Variants in WWC1 observed in about 807,000 individuals in gnomAD.
WWC1 encodes WW and C2 domain containing 1, also known as protein KIBRA.
Under a neutral mutation model 138.4 loss-of-function variants are expected in WWC1, and 55 were observed. That is an observed-to-expected ratio of 0.40 (90% confidence interval 0.32 to 0.50). The LOEUF (loss-of-function observed/expected upper bound fraction) is 0.50. Among genes scored for constraint, WWC1 ranks in the 20% least tolerant of loss-of-function variants. The pLI, the probability that WWC1 is intolerant of heterozygous loss-of-function variation, is 0.72. For synonymous variants in WWC1, 524 were observed against 564.9 expected (o/e 0.93, Z 1.03); for missense variants, 1,226 against 1,420.4 (o/e 0.86, Z 2.20).
At chr5:168,321,916 C>T (rs1453853635) in intron 1 of WWC1, among the ~76,000 whole-genome samples, 1 of 152,170 alleles carries the variant, frequency 6.6e-6, no homozygotes, top group Admixed American at 6.5e-5. Context: ...AATGTCAGCT[C>T]AGGAGGTTTT....
chr5:168,321,764 C>T (rs1383793992), intron 1 of WWC1, among the ~76,000 whole-genome samples: 19 of 152,214 alleles, frequency 1.2e-4, no homozygotes, highest in African/African-American at 4.1e-4. Flanking sequence ...CTCAAACTCC[C>T]GACCTCAGGT....
At chr5:168,367,772 G>A (rs1013710926) in intron 1 of WWC1, among the ~76,000 whole-genome samples, 3 of 152,166 alleles carry the variant, frequency 2.0e-5, no homozygotes, top group Admixed American at 6.5e-5. Context: ...GAAAGGGAAT[G>A]TCACATACAC....
At chr5:168,409,800 C>A in intron 7 of WWC1, 122 bp from the exon 8 acceptor site, 1 of 959,044 alleles carries the variant, frequency 1.0e-6, no homozygotes, top group Non-Finnish European at 1.7e-6. Flanking sequence ...CCAGCCCAGT[C>A]ACCGGGGGCT....
intron 18 of WWC1, 73 bp from the exon 19 acceptor site, chr5:168,455,283 A>G (rs1756204351): frequency 2.0e-6 from 3 of 1,483,274 alleles, no homozygotes; most frequent in East Asian, 4.9e-5. Context: ...GAAGAGGAGC[A>G]GCTGAGTGGT....
intron 15 of WWC1, among the ~76,000 whole-genome samples, chr5:168,435,882 G>T (rs1478848217): frequency 4.0e-5 from 6 of 151,022 alleles, no homozygotes; most frequent in African/African-American, 1.5e-4. Flanking sequence ...AGAGTCTGTT[G>T]CCCAGACTGA....
At chr5:168,429,256 ATTTT>A (rs67280988) in intron 13 of WWC1, among the ~76,000 whole-genome samples, 2 of 116,364 alleles carry the variant, frequency 1.7e-5, no homozygotes, top group Non-Finnish European at 3.4e-5. Flanking sequence ...TATGATCTCA[ATTTT>A]TTTTTTTTTT....
chr5:168,447,753 G>T (rs1755406467), intron 17 of WWC1, among the ~76,000 whole-genome samples: 1 of 151,634 alleles, frequency 6.6e-6, no homozygotes, highest in Admixed American at 6.6e-5. Flanking sequence ...TCTCTAAATT[G>T]TCTCAATCTC....
intron 15 of WWC1, among the ~76,000 whole-genome samples, chr5:168,436,807 G>A (rs1280629889): frequency 1.3e-5 from 2 of 151,994 alleles, no homozygotes; most frequent in African/African-American, 4.8e-5. Context: ...CCCTTACCTG[G>A]ATGATGGCAG....
intron 2 of WWC1, among the ~76,000 whole-genome samples, chr5:168,373,606 G>C (rs183056850): frequency 6.6e-6 from 1 of 151,580 alleles, no homozygotes; most frequent in Non-Finnish European, 1.5e-5. Context: ...ACACAATATC[G>C]GGCATGTTTG....
intron 3 of WWC1, among the ~76,000 whole-genome samples, chr5:168,387,926 A>C (rs1022470561): frequency 6.6e-6 from 1 of 152,154 alleles, no homozygotes; most frequent in Non-Finnish European, 1.5e-5. Context: ...CTCTCTCTCT[A>C]AAGTCCCACA....
At chr5:168,430,838 T>G (rs1781879158) in intron 14 of WWC1, among the ~76,000 whole-genome samples, 1 of 152,118 alleles carries the variant, frequency 6.6e-6, no homozygotes, top group South Asian at 2.1e-4. Context: ...GTGTCTGTGG[T>G]CTACACTCAG....
chr5:168,440,426 T>A lies in WWC1; in HGVS notation c.2281-1256T>A, dbSNP rs186174462. Among the ~76,000 whole-genome samples, 170 of 152,334 alleles carry A rather than the reference T, an allele frequency of 1.1e-3. 3 individuals are homozygous for A. The highest frequency in any genetic ancestry group is 6.8e-3 in the Middle Eastern group (2 of 294). ...AGTAGTTCCACTAAAAAATTAAAAA[T>A]GTAACTACCATATGACCTAGCAATT... On this transcript the variant is annotated intron_variant, in intron 15 of 22. Coordinates refer to ENST00000265293, the MANE Select transcript of WWC1 (RefSeq NM_015238.3).
chr5:168,391,764 T>TATATATATAC (rs1351152231), intron 3 of WWC1, among the ~76,000 whole-genome samples: 1 of 55,840 alleles, frequency 1.8e-5, no homozygotes, highest in African/African-American at 7.2e-5. Context: ...TTAAGGCATA[T>TATATATATAC]ATATATATAT....
At position 168,399,529 on chromosome 5, in the gene WWC1, G is replaced by A. The variant is rs1779155064; in HGVS notation, c.552G>A (p.Glu184=). Residue 184 remains glutamate, a synonymous_variant, in exon 5 of 23, where the codon GAG becomes GAA. Coordinates refer to ENST00000265293, the MANE Select transcript of WWC1 (RefSeq NM_015238.3). ...GAGAGATGGTTCACCTCCAGCACGAGCTGCAGTTCAAAGAGCGTGGCTTTC... is the reference window on the plus strand; with the variant it reads ...GAGAGATGGTTCACCTCCAGCACGAACTGCAGTTCAAAGAGCGTGGCTTTC... ...LKREMVHLQH[E]LQFKERGFQT... 1 of 1,614,190 alleles carries A rather than the reference G, an allele frequency of 6.2e-7. No individual in the cohort carries two copies. The highest frequency in any genetic ancestry group is 8.5e-7 in the Non-Finnish European group (1 of 1,180,034).
At chr5:168,446,036 G>A (rs1755230715) in intron 17 of WWC1, among the ~76,000 whole-genome samples, 1 of 152,090 alleles carries the variant, frequency 6.6e-6, no homozygotes, top group Non-Finnish European at 1.5e-5. Context: ...AAAGGAGACT[G>A]GAGAATGAGG....
intron 19 of WWC1, among the ~76,000 whole-genome samples, chr5:168,460,028 T>C (rs552320278): frequency 6.6e-6 from 1 of 152,160 alleles, no homozygotes; most frequent in Non-Finnish European, 1.5e-5. Context: ...GGGGGGAGTA[T>C]AGATAACTCA....
chr5:168,380,449 T>TA (rs1045252353), intron 2 of WWC1, among the ~76,000 whole-genome samples: 24 of 151,488 alleles, frequency 1.6e-4, no homozygotes, highest in Admixed American at 5.9e-4. Flanking sequence ...CTCAAAAAAA[T>TA]AAAAAAATAA....
chr5:168,455,164 C>T (rs1219736037), intron 18 of WWC1, among the ~76,000 whole-genome samples, 192 bp from the exon 19 acceptor site: 3 of 152,188 alleles, frequency 2.0e-5, no homozygotes, highest in Non-Finnish European at 4.4e-5. Context: ...GGGGTCGGCA[C>T]ACCTAGCCTT....
chr5:168,385,087 A>G (rs900014996), intron 2 of WWC1, 124 bp from the exon 3 acceptor site: 3 of 909,528 alleles, frequency 3.3e-6, no homozygotes, highest in Non-Finnish European at 3.3e-6. Flanking sequence ...AGTTTGCCCC[A>G]CTTACATTTA....
Sources: allele counts gnomAD v4.1 joint callset (sites outside exome capture counted in the v4.1 genomes callset), GRCh38; gene constraint gnomAD v4.1.1; transcripts MANE v1.5; gene names NCBI Gene and HGNC (gene_info 2026-07-23, HGNC 2026-07-21).